Variants in PDE10A observed in about 807,000 individuals in gnomAD.
PDE10A encodes cAMP and cAMP-inhibited cGMP 3',5'-cyclic phosphodiesterase 10A.
Under a neutral mutation model 97.7 loss-of-function variants are expected in PDE10A, and 39 were observed. The ratio of observed to expected loss-of-function variants is 0.40; its 90% CI spans 0.31 to 0.52. PDE10A has a LOEUF of 0.52. Among genes scored for constraint, PDE10A ranks in the 20% least tolerant of loss-of-function variants. The pLI, the probability that PDE10A is intolerant of heterozygous loss-of-function variation, is 0.56. For missense variants in PDE10A, 731 were observed against 1,047.8 expected (o/e 0.70, Z 4.17); for synonymous variants, 371 against 376.8 (o/e 0.98, Z 0.18).
Position 165,819,921 on chromosome 6 carries a change from TC to T in PDE10A, c.-615+167607del, listed in dbSNP as rs1191690250. On this transcript the variant is annotated intron_variant, in intron 1 of 19. Coordinates refer to the PDE10A transcript ENST00000366882. The surrounding 1 kb of genome is among the most constrained non-coding windows in gnomAD (Gnocchi z 4.2). ...TAATAATCAGTGGTTAATATGGAATTCAGTAACACAAGGGCACTATTTTTCA... is the reference window on the plus strand; with the variant it reads ...TAATAATCAGTGGTTAATATGGAATTAGTAACACAAGGGCACTATTTTTCA... Among the ~76,000 whole-genome samples, 1 of 152,252 alleles carries T rather than the reference TC, an allele frequency of 6.6e-6. No homozygotes were observed. The highest frequency in any genetic ancestry group is 2.4e-5 in the African/African-American group (1 of 41,462).
chr6:165,530,601 G>A (rs1184943099), intron 2 of PDE10A, among the ~76,000 whole-genome samples: 2 of 64,236 alleles, frequency 3.1e-5, no homozygotes, highest in African/African-American at 6.2e-5. Context: ...TAAAACACCT[G>A]CACATGTACC....
chr6:165,813,189 T>C (rs1321680557), intron 1 of PDE10A, among the ~76,000 whole-genome samples: 1 of 152,234 alleles, frequency 6.6e-6, no homozygotes, highest in East Asian at 1.9e-4. Context: ...TTGGTCTAGA[T>C]GAGCCTTTAA....
At chr6:165,595,903 T>C (rs190688181) in intron 1 of PDE10A, among the ~76,000 whole-genome samples, 38 of 152,332 alleles carry the variant, frequency 2.5e-4, no homozygotes, top group Admixed American at 6.5e-4. Context: ...CACATTCTAA[T>C]ACCATCTACC....
intron 17 of PDE10A, among the ~76,000 whole-genome samples, chr6:165,382,401 C>A (rs73243945): frequency 0.012 from 1,887 of 152,230 alleles, 39 homozygotes; most frequent in African/African-American, 0.043. Context: ...AATGCCTTTA[C>A]AATACATAGA....
intron 1 of PDE10A, among the ~76,000 whole-genome samples, chr6:165,962,586 A>C (rs904792532): frequency 2.0e-5 from 3 of 152,218 alleles, no homozygotes; most frequent in Non-Finnish European, 4.4e-5. Context: ...GACTCTGACC[A>C]CGTGCTGTGG....
intron 1 of PDE10A, among the ~76,000 whole-genome samples, chr6:165,964,487 C>T (rs536278374): frequency 5.9e-5 from 9 of 152,268 alleles, no homozygotes; most frequent in Non-Finnish European, 1.0e-4. Flanking sequence ...GCGTAATGGT[C>T]TGAAATAGTC....
intron 1 of PDE10A, among the ~76,000 whole-genome samples, chr6:165,843,971 A>C (rs1306813710): frequency 6.6e-6 from 1 of 152,188 alleles, no homozygotes; most frequent in African/African-American, 2.4e-5. Context: ...CCACCTTAGC[A>C]GACAGGCCTC....
At chr6:165,374,755 G>GT (rs67030054) in intron 18 of PDE10A, among the ~76,000 whole-genome samples, 38,337 of 141,162 alleles carry the variant, frequency 0.27, 5,555 homozygotes, top group African/African-American at 0.39. Context: ...CATGTTTTTG[G>GT]TTTTTTTTTT....
intron 1 of PDE10A, among the ~76,000 whole-genome samples, chr6:165,887,013 G>T (rs1182921350): frequency 6.6e-6 from 1 of 152,126 alleles, no homozygotes; most frequent in Non-Finnish European, 1.5e-5. Context: ...AGAGGACAAA[G>T]AAAAACATGA....
intron 1 of PDE10A, among the ~76,000 whole-genome samples, chr6:165,630,058 C>G (rs1267656593): frequency 6.6e-6 from 1 of 151,984 alleles, no homozygotes; most frequent in African/African-American, 2.4e-5. Flanking sequence ...TAGAAAAAAT[C>G]ATATAGGGGC....
upstream of PDE10A, among the ~76,000 whole-genome samples, chr6:165,664,130 C>T (rs1790433977): frequency 6.6e-6 from 1 of 152,132 alleles, no homozygotes; most frequent in African/African-American, 2.4e-5. Flanking sequence ...GCACACGCGC[C>T]AAAGCTCAGC....
intron 8 of PDE10A, 68 bp from the exon 9 acceptor site, chr6:165,430,413 T>C (rs984173224): frequency 2.1e-6 from 2 of 942,334 alleles, no homozygotes; most frequent in South Asian, 1.4e-5. Flanking sequence ...ACTTCCAGAA[T>C]ACTAATTACC....
At chr6:165,587,116 G>A (rs970261110) in intron 1 of PDE10A, among the ~76,000 whole-genome samples, 8 of 152,132 alleles carry the variant, frequency 5.3e-5, no homozygotes, top group African/African-American at 9.7e-5. Flanking sequence ...AGAATGGCAC[G>A]TGGAATGTGA....
upstream of PDE10A, among the ~76,000 whole-genome samples, chr6:165,665,192 C>T (rs553586832): frequency 5.3e-5 from 8 of 152,310 alleles, no homozygotes; most frequent in South Asian, 2.1e-4. Context: ...CATGATCTCC[C>T]TCCTTCATAC....
Position 165,790,119 on chromosome 6 carries a change from G to A in PDE10A, c.-615+197410C>T, listed in dbSNP as rs539005947. Among the ~76,000 whole-genome samples, 64 of 152,228 alleles carry A rather than the reference G, an allele frequency of 4.2e-4. 2 individuals are homozygous for A. Among genetic ancestry groups the A allele is most frequent in the Admixed American group, 9.8e-4 (15 of 15,294 alleles). The stretch of plus-strand genomic sequence containing the variant: ...CACATTGTTAAAATGTAATTCTTGC[G>A]TATTTCTATAAATATTCAGAGATTT... On this transcript the variant is annotated intron_variant, in intron 1 of 19. Coordinates refer to the PDE10A transcript ENST00000366882.
chr6:165,664,676 C>A (rs1790451621), upstream of PDE10A, among the ~76,000 whole-genome samples: 1 of 152,316 alleles, frequency 6.6e-6, no homozygotes, highest in East Asian at 1.9e-4. Context: ...GCTTCTCCAG[C>A]CGTGCAGAGT....
At chr6:165,752,509 G>T (rs1024734338) in intron 1 of PDE10A, among the ~76,000 whole-genome samples, 2 of 152,092 alleles carry the variant, frequency 1.3e-5, no homozygotes, top group Non-Finnish European at 2.9e-5. Context: ...TTATGTTTGG[G>T]ATAATTTGTT....
chr6:165,776,890 C>T (rs981336930), intron 1 of PDE10A, among the ~76,000 whole-genome samples: 1 of 152,196 alleles, frequency 6.6e-6, no homozygotes, highest in East Asian at 1.9e-4. Context: ...AGCCTCAGGA[C>T]TGAAATCGCC....
intron 1 of PDE10A, among the ~76,000 whole-genome samples, chr6:165,703,674 C>T (rs1004778652): frequency 6.6e-6 from 1 of 152,202 alleles, no homozygotes; most frequent in Non-Finnish European, 1.5e-5. Context: ...CAGATTTATT[C>T]CAAAGATTGC....
Sources: allele counts gnomAD v4.1 joint callset (sites outside exome capture counted in the v4.1 genomes callset), GRCh38; gene constraint gnomAD v4.1.1; non-coding constraint Gnocchi (gnomAD v3.1); transcripts MANE v1.5; gene names NCBI Gene and HGNC (gene_info 2026-07-23, HGNC 2026-07-21).